The following FOXR1 variants were observed in gnomAD, a reference collection of about 807,000 sequenced individuals.
FOXR1 encodes forkhead box R1.
In FOXR1, 25 loss-of-function variants were observed where a neutral mutation model predicts 34.5. That is an observed-to-expected ratio of 0.72 (90% CI 0.53 to 1.01). The LOEUF (loss-of-function observed/expected upper bound fraction) is 1.01, where lower values mean the gene tolerates loss of function less well. Among genes scored for constraint, FOXR1 ranks in the 50% least tolerant of loss-of-function variants. The probability of loss-of-function intolerance (pLI) is 0.00; values close to 1 mark genes in which losing one functional copy is unlikely to be tolerated. For missense variants in FOXR1, 373 were observed against 376.2 expected, an observed-to-expected ratio of 0.99 and a Z score of 0.07; for synonymous variants, 153 against 141.6, an observed-to-expected ratio of 1.08 and a Z score of -0.57.
Position 118,979,013 on chromosome 11 carries a change from C to T in FOXR1, c.193C>T (p.Pro65Ser). The change falls in exon 3 of 6, where the codon CCT becomes TCT. Residue 65 changes from proline (P) to serine (S), a missense_variant. Pro to Ser is a moderately conservative substitution (Grantham distance 74). Coordinates refer to ENST00000317011, the MANE Select transcript of FOXR1 (RefSeq NM_181721.3). The stretch of plus-strand genomic sequence containing the variant: ...GGTAAATCCCAACATTGTGTATCCC[C>T]CTGGAAAGCTGGAGGTCTCAGGACG... Reference protein sequence around the residue: ...MWVNPNIVYPPGKLEVSGRRK... With the variant: ...MWVNPNIVYPSGKLEVSGRRK... 7 of 1,602,062 alleles carry T rather than the reference C, an allele frequency of 4.4e-6. No individual in the cohort carries two copies. The highest frequency in any genetic ancestry group is 6.0e-6 in the Non-Finnish European group (7 of 1,173,428).
intron 1 of FOXR1, among the ~76,000 whole-genome samples, chr11:118,974,954 C>T (rs961057400): frequency 6.6e-6 from 1 of 152,162 alleles, no homozygotes; most frequent in Non-Finnish European, 1.5e-5. Flanking sequence ...GATCCTTAGA[C>T]ATCCAAGTAG....
chr11:118,979,201 G>T lies in FOXR1; in HGVS notation c.381G>T (p.Trp127Cys). 1 of 1,521,780 alleles carries T rather than the reference G, an allele frequency of 6.6e-7. No homozygotes were observed. Among genetic ancestry groups the T allele is most frequent in the Non-Finnish European group, 8.8e-7 (1 of 1,138,488 alleles). 94.3% of individuals were successfully genotyped at this position (1,521,780 alleles called of 1,614,324 possible). A position where few individuals can be genotyped will look rare whatever the true frequency, so the allele number is the denominator to read the frequency against. Residue 127 changes from tryptophan (W) to cysteine (C), a missense_variant, in exon 3 of 6, where the codon TGG (tryptophan) becomes TGT (cysteine). Trp to Cys is a radical substitution (Grantham distance 215, BLOSUM62 -2). Coordinates refer to ENST00000317011, the MANE Select transcript of FOXR1 (RefSeq NM_181721.3). ...GGTTTGCCTTTTCCCCCAGCACCTGGGAGGTATGCATTTTTGGGGATGGGA... is the reference window on the plus strand; with the variant it reads ...GGTTTGCCTTTTCCCCCAGCACCTGTGAGGTATGCATTTTTGGGGATGGGA... Reference protein sequence around the residue: ...RKRFAFSPSTWELTEEEEAED... With the variant: ...RKRFAFSPSTCELTEEEEAED...
intron 5 of FOXR1, 27 bp from the exon 6 acceptor site, chr11:118,981,181 C>G (rs961190691): frequency 6.2e-7 from 1 of 1,613,586 alleles, no homozygotes; most frequent in African/African-American, 1.3e-5. Flanking sequence ...GAAGTATAAA[C>G]TCCTGAACTC....
intron 1 of FOXR1, among the ~76,000 whole-genome samples, chr11:118,976,540 G>A (rs574042270): frequency 7.2e-5 from 11 of 152,300 alleles, no homozygotes; most frequent in Non-Finnish European, 2.9e-5. Flanking sequence ...GTTGGAGAGT[G>A]ACAGCTAAAC....
At chr11:118,976,343 C>G (rs748400882) in intron 1 of FOXR1, among the ~76,000 whole-genome samples, 1 of 152,326 alleles carries the variant, frequency 6.6e-6, no homozygotes, top group South Asian at 2.1e-4. Context: ...TACAGGCTCA[C>G]GCCACCACAC....
intron 1 of FOXR1, 68 bp downstream of exon 1, chr11:118,972,060 C>T: frequency 7.7e-7 from 1 of 1,302,654 alleles, no homozygotes; most frequent in Non-Finnish European, 1.0e-6. Flanking sequence ...CTCGCGGGAC[C>T]CCGGGGCAGA....
chr11:118,977,151 C>T (rs1367868781), intron 1 of FOXR1, among the ~76,000 whole-genome samples: 1 of 152,112 alleles, frequency 6.6e-6, no homozygotes, highest in Non-Finnish European at 1.5e-5. Flanking sequence ...CTGCCTCAGC[C>T]TCCCAAGTAG....
At chr11:118,976,129 G>A (rs543552870) in intron 1 of FOXR1, among the ~76,000 whole-genome samples, 1 of 152,342 alleles carries the variant, frequency 6.6e-6, no homozygotes, top group Non-Finnish European at 1.5e-5. Context: ...TTTAGGTTAT[G>A]CCTGAGGGAG....
chr11:118,973,452 C>G (rs959120528), intron 1 of FOXR1, among the ~76,000 whole-genome samples: 2 of 152,202 alleles, frequency 1.3e-5, no homozygotes, highest in African/African-American at 4.8e-5. Context: ...GAGTCTGGCT[C>G]TGTTGCCCAC....
rs942391623 is a variant in FOXR1, at chr11:118,971,773, G to T, written c.-159G>T. On this transcript the variant is annotated 5_prime_UTR_variant, in exon 1 of 6. Coordinates refer to ENST00000317011, the MANE Select transcript of FOXR1 (RefSeq NM_181721.3). ...AATCCGAGCCGGCGCATTTGAGAAGGCGCCTGTGAGGGTCGCTCCTCAGCC... is the reference window on the plus strand; with the variant it reads ...AATCCGAGCCGGCGCATTTGAGAAGTCGCCTGTGAGGGTCGCTCCTCAGCC... The T allele has an allele frequency of 2.5e-5, 18 of 717,602 alleles. No individual in the cohort carries two copies. The highest frequency in any genetic ancestry group is 7.0e-5 in the African/African-American group (4 of 57,060). 44.5% of individuals were successfully genotyped at this position (717,602 alleles called of 1,614,324 possible). A position where few individuals can be genotyped will look rare whatever the true frequency, so the allele number is the denominator to read the frequency against.
chr11:118,980,313 G>A (rs782367682), intron 4 of FOXR1, 177 bp from the exon 5 acceptor site: 12 of 742,646 alleles, frequency 1.6e-5, no homozygotes, highest in Admixed American at 1.4e-4. Context: ...GGTGAGCCAC[G>A]CACCACGTGG....
intron 4 of FOXR1, 115 bp from the exon 5 acceptor site, chr11:118,980,375 A>G (rs1941839750): frequency 8.2e-7 from 1 of 1,214,724 alleles, no homozygotes; most frequent in African/African-American, 1.5e-5. Flanking sequence ...CCAACTTGCT[A>G]CTATCCCCCT....
At chr11:118,973,494 G>A (rs1347317700) in intron 1 of FOXR1, among the ~76,000 whole-genome samples, 1 of 151,944 alleles carries the variant, frequency 6.6e-6, no homozygotes, top group Non-Finnish European at 1.5e-5. Flanking sequence ...CTGCCCCCCG[G>A]GTTCAAGTGA....
Position 118,980,512 on chromosome 11 carries a change from A to G in FOXR1, c.634A>G (p.Thr212Ala). The change falls in exon 5 of 6, where the codon ACG (threonine) becomes GCG (alanine). Residue 212 changes from threonine to alanine, a missense_variant. Coordinates refer to ENST00000317011, the MANE Select transcript of FOXR1 (RefSeq NM_181721.3). ...FTRKHFPFFRTAPEGWKNTVR... is the reference protein window; with the variant it reads ...FTRKHFPFFRAAPEGWKNTVR... The stretch of plus-strand genomic sequence containing the variant: ...TAGAAAGCACTTCCCCTTTTTCCGG[A>G]CGGCCCCGGAAGGCTGGAAGAATAC... The G allele has an allele frequency of 6.2e-7, 1 of 1,613,890 alleles. No individual in the cohort carries two copies. Among genetic ancestry groups the G allele is most frequent in the Non-Finnish European group, 8.5e-7 (1 of 1,179,956 alleles).
Position 118,980,670 on chromosome 11 carries a change from G to C in FOXR1, c.792G>C (p.Glu264Asp), listed in dbSNP as rs782434895. The C allele has an allele frequency of 6.2e-7, 1 of 1,613,756 alleles. No homozygotes were observed. The highest frequency in any genetic ancestry group is 1.1e-5 in the South Asian group (1 of 91,084). ...TEEGHRRFAE[E>D]ARALASTRLE... ...AGGGACACCGCCGCTTTGCGGAGGA[G>C]GCCCGCGCCTTGGCTTCCACTCGGC... is the stretch of plus-strand genomic sequence containing the variant. The change falls in exon 5 of 6, where the codon GAG (glutamate) becomes GAC (aspartate). Residue 264 changes from glutamate (E) to aspartate (D), a missense_variant. Glu to Asp is a conservative substitution (Grantham distance 45). Coordinates refer to ENST00000317011, the MANE Select transcript of FOXR1 (RefSeq NM_181721.3).
rs1357931191 is a variant in FOXR1, at chr11:118,971,834, C to A, written c.-98C>A. The A allele has an allele frequency of 2.2e-6, 3 of 1,367,104 alleles. No homozygotes were observed. The South Asian group carries it at 3.7e-5, about 17-fold the overall frequency. 84.7% of individuals were successfully genotyped at this position (1,367,104 alleles called of 1,614,324 possible). ...CACTCCGCGTCCCCACTCCGCGCCG[C>A]CGCGCCTCTGCCAGCCCCGAAGGTG... On this transcript the variant is annotated 5_prime_UTR_variant, in exon 1 of 6. Coordinates refer to ENST00000317011, the MANE Select transcript of FOXR1 (RefSeq NM_181721.3).
At chr11:118,979,360 T>G in intron 3 of FOXR1, 82 bp from the exon 4 acceptor site, 2 of 1,482,754 alleles carry the variant, frequency 1.3e-6, no homozygotes, top group Non-Finnish European at 1.8e-6. Flanking sequence ...ATGGTGGCCT[T>G]AGACCACCCC....
chr11:118,978,627 G>A lies in FOXR1; in HGVS notation c.62-155G>A, dbSNP rs45521433. On this transcript the variant is annotated intron_variant, in intron 1 of 5. Transcript: ENST00000317011. ...TGCAGAGGGGAATGAGAAGGTCAGA[G>A]AGGTAAAGGGAAAACCCGTAGAAGT... Among the ~76,000 whole-genome samples the A allele has an allele frequency of 5.2e-3, 796 of 152,264 alleles. 6 individuals carry two copies. The highest frequency in any genetic ancestry group is 0.02 in the Middle Eastern group (6 of 294).
intron 1 of FOXR1, among the ~76,000 whole-genome samples, chr11:118,973,697 C>CTTTTT (rs33940358): frequency 2.2e-5 from 3 of 137,084 alleles, no homozygotes; most frequent in South Asian, 2.3e-4. Flanking sequence ...ACCCGGCCTT[C>CTTTTT]TTTTTTTTTT....
Sources: gnomAD v4.1 joint callset for allele counts (sites outside exome capture counted in the v4.1 genomes callset) on GRCh38, gnomAD v4.1.1 for gene constraint, MANE v1.5 for transcripts, NCBI Gene and HGNC (gene_info 2026-07-23, HGNC 2026-07-21) for gene names.